Variants in DIP2C observed in about 807,000 individuals in gnomAD.
The protein encoded by DIP2C is DIP2 acetate--CoA ligase C (putative).
A neutral mutation model predicts 192.4 loss-of-function variants in DIP2C; 33 were observed. That is an observed-to-expected ratio of 0.17 (90% CI 0.13 to 0.23). DIP2C has a LOEUF of 0.23. Ranked by LOEUF, DIP2C falls within the 10% of genes least tolerant of loss-of-function variation. The pLI is 1.00. For missense variants in DIP2C, 1,537 were observed against 2,110.1 expected (o/e 0.73, Z 5.32); for synonymous variants, 979 against 864.1 (o/e 1.13, Z -2.33).
intron 1 of DIP2C, among the ~76,000 whole-genome samples, chr10:579,260 C>T (rs952775132): frequency 6.6e-6 from 1 of 151,842 alleles, no homozygotes; most frequent in African/African-American, 2.4e-5. Flanking sequence ...AACATGTGTA[C>T]ATGCATACAG....
Position 473,398 on chromosome 10 carries a change from G to A in DIP2C, c.158-849C>T, listed in dbSNP as rs138675396. On this transcript the variant is annotated intron_variant, in intron 2 of 36. Transcript: ENST00000280886. The stretch of plus-strand genomic sequence containing the variant: ...TACCACAGAAAGGACATCATCCTAT[G>A]TCATCCCCACAGTTCCGTGAACGGC... 2.3e-3 allele frequency among the ~76,000 whole-genome samples: 347 copies of A among 152,158 alleles called. 1 individual carries two copies. Among genetic ancestry groups the A allele is most frequent in the African/African-American group, 8.0e-3 (330 of 41,466 alleles).
At chr10:623,281 G>A (rs953571810) in intron 1 of DIP2C, among the ~76,000 whole-genome samples, 9 of 150,326 alleles carry the variant, frequency 6.0e-5, no homozygotes, top group Non-Finnish European at 1.2e-4. Context: ...CCCTCCAGCC[G>A]CACTTGACAG....
At chr10:290,438 C>T (rs1477057340) in intron 32 of DIP2C, among the ~76,000 whole-genome samples, 1 of 152,246 alleles carries the variant, frequency 6.6e-6, no homozygotes, top group Non-Finnish European at 1.5e-5. Flanking sequence ...CAAATGTGCT[C>T]TCCTCTGGAC....
chr10:409,083 C>A, intron 8 of DIP2C, 66 bp from the exon 9 acceptor site: 1 of 1,549,462 alleles, frequency 6.5e-7, no homozygotes, highest in South Asian at 1.2e-5. Context: ...TTCTGCAAGT[C>A]AAAGTCTAGG....
chr10:309,347 C>T (rs1441140006), intron 32 of DIP2C, among the ~76,000 whole-genome samples: 1 of 152,028 alleles, frequency 6.6e-6, no homozygotes, highest in African/African-American at 2.4e-5. Flanking sequence ...GTAACCTGAC[C>T]CCTAACCCCT....
At chr10:315,830 G>A (rs565934625) in intron 31 of DIP2C, among the ~76,000 whole-genome samples, 1 of 152,120 alleles carries the variant, frequency 6.6e-6, no homozygotes, top group Non-Finnish European at 1.5e-5. Flanking sequence ...ACGGGCCTCA[G>A]ACACTCTGTT....
At chr10:594,768 A>C (rs1851606460) in intron 1 of DIP2C, among the ~76,000 whole-genome samples, 2 of 152,092 alleles carry the variant, frequency 1.3e-5, no homozygotes, top group African/African-American at 2.4e-5. Flanking sequence ...AAGACCACAC[A>C]CAACCGAGCC....
chr10:363,148 G>T lies in DIP2C; in HGVS notation c.2592+49C>A. 6.5e-7 allele frequency: 1 copy of T among 1,531,790 alleles called. No individual in the cohort carries two copies. Among genetic ancestry groups the T allele is most frequent in the Non-Finnish European group, 9.0e-7 (1 of 1,112,706 alleles). 94.9% of individuals were successfully genotyped at this position (1,531,790 alleles called of 1,614,324 possible). On this transcript the variant is annotated intron_variant, in intron 21 of 36. Transcript: ENST00000280886. The surrounding 1 kb of genome is among the most constrained non-coding windows in gnomAD (Gnocchi z 5.4). ...ACCATGATCTGAATGAAGTAAGGAG[G>T]CCAGAAACAAGACACAGGGGACCAG...
chr10:463,364 CAG>C (rs1969945792), intron 3 of DIP2C, among the ~76,000 whole-genome samples: 1 of 152,116 alleles, frequency 6.6e-6, no homozygotes, highest in Non-Finnish European at 1.5e-5. Context: ...AATAGACCAA[CAG>C]GGGGCCAAAT....
intron 4 of DIP2C, among the ~76,000 whole-genome samples, chr10:436,115 C>T (rs947474332): frequency 2.0e-5 from 3 of 152,152 alleles, no homozygotes; most frequent in Non-Finnish European, 2.9e-5. Flanking sequence ...TCAGTTCAGA[C>T]CGGGCGCACT....
At chr10:530,964 C>G (rs564445531) in intron 1 of DIP2C, among the ~76,000 whole-genome samples, 1 of 152,130 alleles carries the variant, frequency 6.6e-6, no homozygotes, top group Non-Finnish European at 1.5e-5. Flanking sequence ...CGACCAGACA[C>G]CCCACCCTGG....
intron 3 of DIP2C, among the ~76,000 whole-genome samples, chr10:471,015 T>G (rs1970585070): frequency 6.6e-6 from 1 of 152,114 alleles, no homozygotes; most frequent in South Asian, 2.1e-4. Context: ...TCCACACTCC[T>G]GAACTCGACA....
At chr10:476,304 G>C (rs367708654) in intron 2 of DIP2C, among the ~76,000 whole-genome samples, 2 of 152,178 alleles carry the variant, frequency 1.3e-5, no homozygotes, top group Non-Finnish European at 2.9e-5. Context: ...GCTCAGATCC[G>C]GTCCTCCGGG....
intron 24 of DIP2C, among the ~76,000 whole-genome samples, chr10:351,984 G>A (rs923913438): frequency 1.3e-5 from 2 of 152,188 alleles, no homozygotes; most frequent in African/African-American, 4.8e-5. Context: ...GCATGGACGC[G>A]TCTCAGAGAA....
At chr10:293,477 T>C (rs945191241) in intron 32 of DIP2C, among the ~76,000 whole-genome samples, 2 of 152,214 alleles carry the variant, frequency 1.3e-5, no homozygotes, top group Non-Finnish European at 2.9e-5. Flanking sequence ...TTGAAGCATT[T>C]AAAATACCCA....
intron 24 of DIP2C, among the ~76,000 whole-genome samples, chr10:352,378 T>C (rs1433569161): frequency 6.6e-6 from 1 of 152,214 alleles, no homozygotes; most frequent in East Asian, 1.9e-4. Context: ...TGAAACACAA[T>C]TTTCTCAATG....
intron 29 of DIP2C, among the ~76,000 whole-genome samples, chr10:333,428 T>C (rs1281751859): frequency 6.6e-6 from 1 of 152,174 alleles, no homozygotes; most frequent in Non-Finnish European, 1.5e-5. Flanking sequence ...AAATTTGCCT[T>C]TTCTGGACAC....
intron 13 of DIP2C, among the ~76,000 whole-genome samples, chr10:389,090 G>GGGGTTCTCTGA (rs1177124856): frequency 7.0e-6 from 1 of 142,058 alleles, no homozygotes; most frequent in African/African-American, 3.0e-5. Flanking sequence ...GGGTTCTCTG[G>GGGGTTCTCTGA]GGGTTCTCTG....
intron 8 of DIP2C, among the ~76,000 whole-genome samples, chr10:411,219 A>C (rs1965162456): frequency 6.6e-6 from 1 of 152,224 alleles, no homozygotes; most frequent in Non-Finnish European, 1.5e-5. Flanking sequence ...GGAGATGAGC[A>C]TGAGCATCTC....
Sources: allele counts gnomAD v4.1 joint callset (sites outside exome capture counted in the v4.1 genomes callset), GRCh38; gene constraint gnomAD v4.1.1; non-coding constraint Gnocchi (gnomAD v3.1); transcripts MANE v1.5; gene names NCBI Gene and HGNC (gene_info 2026-07-23, HGNC 2026-07-21).